Variants in CNTNAP3B observed in about 807,000 individuals in gnomAD.
CNTNAP3B encodes the protein contactin-associated protein-like 3B.
CNTNAP3B carries 25 observed loss-of-function variants against 108.9 expected under a neutral mutation model. That is an observed-to-expected ratio of 0.23 (90% CI 0.17 to 0.32). The LOEUF (loss-of-function observed/expected upper bound fraction) is 0.32. Ranked by LOEUF, CNTNAP3B falls within the 10% of genes least tolerant of loss-of-function variation. The pLI is 1.00. For synonymous variants in CNTNAP3B, 103 were observed against 473.4 expected, an observed-to-expected ratio of 0.22 and a Z score of 10.16; for missense variants, 252 against 1,210.4, an observed-to-expected ratio of 0.21 and a Z score of 11.75.
At chr9:41,992,429 A>C (rs1825826318) in intron 7 of CNTNAP3B, among the ~76,000 whole-genome samples, 1 of 145,440 alleles carries the variant, frequency 6.9e-6, no homozygotes, top group South Asian at 2.2e-4. Context: ...CAGATCTAAT[A>C]GTTATATACA....
intron 12 of CNTNAP3B, among the ~76,000 whole-genome samples, chr9:41,958,549 T>A (rs1313694542): frequency 9.9e-5 from 15 of 151,968 alleles, no homozygotes; most frequent in Non-Finnish European, 2.2e-4. Context: ...TCTGTAGTCC[T>A]GTGATTAGGT....
chr9:42,075,837 TTA>T lies in CNTNAP3B; in HGVS notation c.390+1030_390+1031del, dbSNP rs1491089367. Among the ~76,000 whole-genome samples, 15 of 8,448 alleles carry T rather than the reference TTA, an allele frequency of 1.8e-3. 1 individual carries two copies. In the South Asian group the frequency reaches 0.054, roughly 30 times the overall value. The allele number at this position is 8,448 out of a possible 152,430, so 5.5% of individuals were successfully genotyped here. A position where few individuals can be genotyped will look rare whatever the true frequency, so the allele number is the denominator to read the frequency against. The stretch of plus-strand genomic sequence containing the variant: ...CTTTCAAACACTATGTAATAAATAC[TTA>T]TTATTATTATTATTATTATTATTAT... On this transcript the variant is annotated intron_variant, in intron 3 of 23. Coordinates refer to ENST00000377561, the MANE Select transcript of CNTNAP3B (RefSeq NM_001201380.3).
At chr9:41,995,995 C>T (rs1429626154) in intron 7 of CNTNAP3B, among the ~76,000 whole-genome samples, 3 of 143,272 alleles carry the variant, frequency 2.1e-5, no homozygotes, top group Admixed American at 1.4e-4. Context: ...GAGATTGCGC[C>T]GCTGCACTCC....
intron 3 of CNTNAP3B, among the ~76,000 whole-genome samples, chr9:42,030,892 C>T (rs1254468901): frequency 9.4e-6 from 1 of 106,294 alleles, no homozygotes; most frequent in Non-Finnish European, 1.9e-5. Flanking sequence ...ACCAAGGGGA[C>T]CACATAGGGT....
chr9:42,070,761 C>T (rs1203637184), intron 3 of CNTNAP3B, among the ~76,000 whole-genome samples: 473 of 151,830 alleles, frequency 3.1e-3, no homozygotes, highest in African/African-American at 0.01. Context: ...TCCTTCTGCC[C>T]CCTCCGTTAG....
At position 41,961,230 on chromosome 9, in the gene CNTNAP3B, T is replaced by A. The variant is rs375430346; in HGVS notation, c.1757-338A>T. On this transcript the variant is annotated intron_variant, in intron 11 of 23. Coordinates refer to ENST00000377561, the MANE Select transcript of CNTNAP3B (RefSeq NM_001201380.3). Reference sequence around the variant, plus strand: ...TTCAAACATGAAGATGTGCTTACAGTGGGAATGCGATACTATCTTCAATAG... The same window carrying A: ...TTCAAACATGAAGATGTGCTTACAGAGGGAATGCGATACTATCTTCAATAG... Among the ~76,000 whole-genome samples, 32 of 152,382 alleles carry A rather than the reference T, an allele frequency of 2.1e-4. No individual in the cohort carries two copies. In the East Asian group the frequency reaches 4.1e-3, roughly 19 times the overall value.
At chr9:41,947,512 T>C (rs1351293073) in intron 13 of CNTNAP3B, among the ~76,000 whole-genome samples, 2 of 152,284 alleles carry the variant, frequency 1.3e-5, no homozygotes, top group East Asian at 3.9e-4. Flanking sequence ...GAATACAACA[T>C]ATCAAAATAT....
intron 3 of CNTNAP3B, among the ~76,000 whole-genome samples, chr9:42,044,330 C>T (rs1462905660): frequency 6.6e-6 from 1 of 151,174 alleles, no homozygotes; most frequent in Non-Finnish European, 1.5e-5. Flanking sequence ...CAGTTTCTGG[C>T]ATCCACCAGG....
intron 1 of CNTNAP3B, among the ~76,000 whole-genome samples, chr9:42,126,601 C>T (rs1228733246): frequency 7.4e-6 from 1 of 134,762 alleles, no homozygotes; most frequent in Non-Finnish European, 1.6e-5. Context: ...TTGCGTTTTG[C>T]TCTTGTTGCC....
chr9:42,089,921 T>C (rs1164053683), intron 2 of CNTNAP3B, among the ~76,000 whole-genome samples: 3 of 139,200 alleles, frequency 2.2e-5, no homozygotes, highest in Non-Finnish European at 3.1e-5. Flanking sequence ...TGGTTTTCAA[T>C]ATATAAAGCC....
intron 11 of CNTNAP3B, among the ~76,000 whole-genome samples, 192 bp downstream of exon 11, chr9:41,964,346 C>T (rs556133225): frequency 1.1e-4 from 16 of 152,338 alleles, no homozygotes; most frequent in Middle Eastern, 3.4e-3. Flanking sequence ...ATGCGTACCA[C>T]GTATTTCTGT....
chr9:41,961,924 T>A (rs538985954), intron 11 of CNTNAP3B, among the ~76,000 whole-genome samples: 1 of 152,302 alleles, frequency 6.6e-6, no homozygotes, highest in East Asian at 1.9e-4. Context: ...TTATGGCATA[T>A]TGATTTAAAT....
At chr9:42,024,739 G>C (rs62554970) in intron 3 of CNTNAP3B, among the ~76,000 whole-genome samples, 59,719 of 103,588 alleles carry the variant, frequency 0.58, 12,845 homozygotes, top group East Asian at 0.74. Context: ...ATATAAAGCT[G>C]TCTGCTTCCC....
intron 2 of CNTNAP3B, among the ~76,000 whole-genome samples, chr9:42,087,527 C>T (rs1564192677): frequency 7.0e-6 from 1 of 142,800 alleles, no homozygotes; most frequent in Non-Finnish European, 1.5e-5. Flanking sequence ...TTCATACGTG[C>T]CCTATTGCAT....
chr9:41,937,420 C>T (rs1172791668), intron 14 of CNTNAP3B, among the ~76,000 whole-genome samples: 4 of 151,308 alleles, frequency 2.6e-5, no homozygotes, highest in African/African-American at 9.7e-5. Context: ...AGCCACAGTG[C>T]CTGGCCTAAG....
chr9:41,947,493 T>C (rs1824561132), intron 13 of CNTNAP3B, among the ~76,000 whole-genome samples: 1 of 152,140 alleles, frequency 6.6e-6, no homozygotes, highest in African/African-American at 2.4e-5. Context: ...AAAAACTAAA[T>C]GAAAATGAGA....
Position 42,086,140 on chromosome 9 carries a change from C to T in CNTNAP3B, c.197-9078G>A, listed in dbSNP as rs536793959. Among the ~76,000 whole-genome samples, 7 of 140,964 alleles carry T rather than the reference C, an allele frequency of 5.0e-5. No individual in the cohort carries two copies. In the South Asian group the frequency reaches 9.0e-4, roughly 18 times the overall value. 92.5% of individuals were successfully genotyped at this position (140,964 alleles called of 152,430 possible). A position where few individuals can be genotyped will look rare whatever the true frequency, so the allele number is the denominator to read the frequency against. On this transcript the variant is annotated intron_variant, in intron 2 of 23. Coordinates refer to ENST00000377561, the MANE Select transcript of CNTNAP3B (RefSeq NM_001201380.3). ...AAGGCGAAAAGCATATTTTACGTGG[C>T]AGCAAACAAGAGAGAATGATTATCA...
chr9:42,076,176 A>G (rs1827483929), intron 3 of CNTNAP3B, among the ~76,000 whole-genome samples: 1 of 65,070 alleles, frequency 1.5e-5, no homozygotes, highest in Non-Finnish European at 3.0e-5. Context: ...GCACTTTGGG[A>G]GGTCAAGATG....
At chr9:41,928,546 C>G (rs1462247430) in intron 15 of CNTNAP3B, among the ~76,000 whole-genome samples, 1 of 152,242 alleles carries the variant, frequency 6.6e-6, no homozygotes, top group African/African-American at 2.4e-5. Flanking sequence ...GATGGAGACA[C>G]CACACCATCT....
Sources: allele counts gnomAD v4.1 joint callset (sites outside exome capture counted in the v4.1 genomes callset), GRCh38; gene constraint gnomAD v4.1.1; transcripts MANE v1.5; gene names NCBI Gene and HGNC (gene_info 2026-07-23, HGNC 2026-07-21).